Variants in DDX11 observed in about 807,000 individuals in gnomAD.
DDX11 encodes ATP-dependent DNA helicase DDX11.
In DDX11, 72 loss-of-function variants were observed where a neutral mutation model predicts 125.2. That is an observed-to-expected ratio of 0.58 (90% CI 0.48 to 0.70). DDX11 has a LOEUF of 0.70. Among genes scored for constraint, DDX11 ranks in the 30% least tolerant of loss-of-function variants. The probability of loss-of-function intolerance (pLI) is 0.00; values close to 1 mark genes in which losing one functional copy is unlikely to be tolerated. For missense variants in DDX11, 883 were observed against 1,165.0 expected, an observed-to-expected ratio of 0.76 and a Z score of 3.52; for synonymous variants, 347 against 452.6, an observed-to-expected ratio of 0.77 and a Z score of 2.96.
chr12:31,087,542 G>C, intron 5 of DDX11: 1 of 340,586 alleles, frequency 2.9e-6, no homozygotes, highest in South Asian at 2.4e-5. Flanking sequence ...GAGCTGGTGA[G>C]GGGAGACAAC....
chr12:31,091,887 C>A lies in DDX11; in HGVS notation c.1242+16C>A, dbSNP rs369752419. 1 of 1,613,780 alleles carries A rather than the reference C, an allele frequency of 6.2e-7. No individual in the cohort carries two copies. Among genetic ancestry groups the A allele is most frequent in the Non-Finnish European group, 8.5e-7 (1 of 1,179,826 alleles). On this transcript the variant is annotated intron_variant, in intron 10 of 26. Transcript: ENST00000542838. The stretch of plus-strand genomic sequence containing the variant: ...CGGCTCCCAGGTGTGTGGGCCTCCC[C>A]TCCCCGGGCCAGGGCCTGCTGTGAC...
Position 31,101,637 on chromosome 12 carries a change from G to T in DDX11, c.2053-196G>T, listed in dbSNP as rs1592817034. On this transcript the variant is annotated intron_variant, in intron 20 of 26. Coordinates refer to ENST00000542838, the MANE Select transcript of DDX11 (RefSeq NM_030653.4). ...TGTCAGAAAGGCGCAGTCAGCAGCA[G>T]CGGCTGGGTGTGTTTGGTGGGAGGT... The T allele has an allele frequency of 4.6e-6, 3 of 652,852 alleles. No individual in the cohort carries two copies. The East Asian group carries it at 8.3e-5, about 18-fold the overall frequency. The allele number at this position is 652,852 out of a possible 1,614,324, so 40.4% of individuals were successfully genotyped here.
At chr12:31,092,219 C>T (rs1193994646) in intron 10 of DDX11, among the ~76,000 whole-genome samples, 3 of 152,138 alleles carry the variant, frequency 2.0e-5, no homozygotes, top group Middle Eastern at 6.8e-3. Flanking sequence ...CTGGAGGGGA[C>T]TGAATTGAGG....
intron 1 of DDX11, among the ~76,000 whole-genome samples, chr12:31,075,648 C>T (rs1487115663): frequency 6.6e-6 from 1 of 152,196 alleles, no homozygotes; most frequent in African/African-American, 2.4e-5. Context: ...TACCCAGCCT[C>T]GGAAGAGAAA....
At chr12:31,086,278 T>C (rs1943131816) in intron 5 of DDX11, 3 of 410,886 alleles carry the variant, frequency 7.3e-6, no homozygotes, top group Non-Finnish European at 1.4e-5. Context: ...TGTGCTTCTG[T>C]TGTTGCCTCC....
At chr12:31,080,171 G>A (rs1300332271) in intron 2 of DDX11, among the ~76,000 whole-genome samples, 3 of 148,578 alleles carry the variant, frequency 2.0e-5, no homozygotes, top group African/African-American at 7.6e-5. Flanking sequence ...CCAGTTGCCA[G>A]CACATCTGTG....
Position 31,099,990 on chromosome 12 carries a change from C to T in DDX11, c.1876-645C>T, listed in dbSNP as rs1946095432. Among the ~76,000 whole-genome samples the T allele has an allele frequency of 2.6e-5, 4 of 152,182 alleles. No individual in the cohort carries two copies. The South Asian group carries it at 8.3e-4, about 32-fold the overall frequency. Reference sequence around the variant, plus strand: ...AGTCAGTTGTCTGACCATCGCTCCTCTAGTGGGCTGCGTGGTTCTCTGTTG... The same window carrying T: ...AGTCAGTTGTCTGACCATCGCTCCTTTAGTGGGCTGCGTGGTTCTCTGTTG... On this transcript the variant is annotated intron_variant, in intron 18 of 26. Coordinates refer to ENST00000542838, the MANE Select transcript of DDX11 (RefSeq NM_030653.4).
rs535328861 is a variant in DDX11 at position 31,096,885 on chromosome 12, C to G, written c.1657C>G (p.Gln553Glu). ...TCTTGCAGCCCCTGCAGACGAGAGTCAGGCCAGCACCCTGCGACCAGCTTC... is the reference window on the plus strand; with the variant it reads ...TCTTGCAGCCCCTGCAGACGAGAGTGAGGCCAGCACCCTGCGACCAGCTTC... Reference protein sequence around the residue: ...EALAAPADESQASTLRPASPL... With the variant: ...EALAAPADESEASTLRPASPL... The change falls in exon 17 of 27, where the codon CAG (glutamine) becomes GAG (glutamate). Residue 553 changes from glutamine to glutamate, a missense_variant. Gln to Glu is a conservative substitution (Grantham distance 29). Around this residue, in one of 5 missense-constraint regions of DDX11, gnomAD observed 241 missense variants for 279.7 expected, o/e 0.86. Coordinates refer to ENST00000542838, the MANE Select transcript of DDX11 (RefSeq NM_030653.4). The G allele has an allele frequency of 7.0e-4, 1,137 of 1,614,184 alleles. 11 individuals are homozygous for G. In the South Asian group the frequency reaches 0.012, roughly 17 times the overall value.
chr12:31,097,611 C>T (rs1159145555), intron 17 of DDX11, among the ~76,000 whole-genome samples: 2 of 136,118 alleles, frequency 1.5e-5, no homozygotes, highest in African/African-American at 5.8e-5. Context: ...ACCCAGGAGG[C>T]GGAGGTTGCA....
intron 18 of DDX11, among the ~76,000 whole-genome samples, chr12:31,099,425 C>T: frequency 2.9e-5 from 1 of 34,434 alleles, no homozygotes; most frequent in South Asian, 1.1e-3. Context: ...TTTACTTGAC[C>T]TTTTATTGTA....
chr12:31,100,217 T>C (rs1163195897), intron 18 of DDX11, among the ~76,000 whole-genome samples: 1 of 152,200 alleles, frequency 6.6e-6, no homozygotes, highest in Non-Finnish European at 1.5e-5. Flanking sequence ...AATTGTACCA[T>C]TCTGTATCCC....
intron 25 of DDX11, 64 bp from the exon 26 acceptor site, chr12:31,103,513 G>C (rs3903164): frequency 6.2e-6 from 10 of 1,612,532 alleles, no homozygotes; most frequent in Non-Finnish European, 8.5e-6. Flanking sequence ...GGGGGTCGCC[G>C]TGGGAATGTG....
At chr12:31,079,067 G>A (rs1235705345) in intron 2 of DDX11, among the ~76,000 whole-genome samples, 1 of 152,116 alleles carries the variant, frequency 6.6e-6, no homozygotes, top group African/African-American at 2.4e-5. Context: ...TAGATGAGAC[G>A]GCTTTCTTAC....
intron 25 of DDX11, 22 bp from the exon 26 acceptor site, chr12:31,103,555 C>A: frequency 1.9e-6 from 3 of 1,613,706 alleles, no homozygotes; most frequent in Non-Finnish European, 8.5e-7. Flanking sequence ...TGCTCGGAGC[C>A]CCAGCCTCTG....
Position 31,091,886 on chromosome 12 carries a change from C to A in DDX11, c.1242+15C>A. The A allele has an allele frequency of 6.2e-7, 1 of 1,613,782 alleles. No homozygotes were observed. The highest frequency in any genetic ancestry group is 8.5e-7 in the Non-Finnish European group (1 of 1,179,830). On this transcript the variant is annotated intron_variant, in intron 10 of 26. Transcript: ENST00000542838. The stretch of plus-strand genomic sequence containing the variant: ...GCGGCTCCCAGGTGTGTGGGCCTCC[C>A]CTCCCCGGGCCAGGGCCTGCTGTGA...
intron 22 of DDX11, 56 bp downstream of exon 22, chr12:31,102,367 A>G (rs543916473): frequency 6.2e-7 from 1 of 1,609,402 alleles, no homozygotes; most frequent in South Asian, 1.1e-5. Context: ...GCAGCTGGAA[A>G]CGTTGTGGGT....
intron 1 of DDX11, among the ~76,000 whole-genome samples, chr12:31,075,913 G>T (rs1041395071): frequency 1.3e-5 from 2 of 152,120 alleles, no homozygotes; most frequent in African/African-American, 4.8e-5. Context: ...CAAGCTAGGG[G>T]GTGAGGAGTG....
intron 2 of DDX11, among the ~76,000 whole-genome samples, chr12:31,082,519 T>C (rs2140481324): frequency 6.6e-6 from 1 of 152,266 alleles, no homozygotes; most frequent in Admixed American, 6.5e-5. Context: ...CCAACCGTAG[T>C]CATACGAGGT....
chr12:31,102,889 G>A (rs371733434), intron 23 of DDX11, 47 bp from the exon 24 acceptor site: 136 of 1,579,218 alleles, frequency 8.6e-5, no homozygotes, highest in African/African-American at 4.0e-4. Context: ...GTGATGACCC[G>A]GGAGGTCCTG....
Sources: allele counts gnomAD v4.1 joint callset (sites outside exome capture counted in the v4.1 genomes callset), GRCh38; gene constraint gnomAD v4.1.1; regional missense constraint gnomAD v4.1.1; transcripts MANE v1.5; gene names NCBI Gene and HGNC (gene_info 2026-07-23, HGNC 2026-07-21).